RALGAPB: variants seen among roughly 807,000 people sequenced by gnomAD.
The protein encoded by RALGAPB is Ral GTPase activating protein non-catalytic subunit beta, also known as ral GTPase-activating protein subunit beta.
A neutral mutation model predicts 161.1 loss-of-function variants in RALGAPB; 25 were observed. The observed-to-expected ratio is 0.16, with a 90% CI of 0.11 to 0.22. The LOEUF is 0.22. Ranked by LOEUF, RALGAPB falls within the 10% of genes least tolerant of loss-of-function variation. RALGAPB has a pLI of 1.00. For missense variants in RALGAPB, 1,391 were observed against 1,815.2 expected (o/e 0.77, Z 4.25); for synonymous variants, 629 against 626.1 (o/e 1.00, Z -0.07).
At chr20:38,562,822 A>C in intron 24 of RALGAPB, 125 bp downstream of exon 24, 1 of 1,064,850 alleles carries the variant, frequency 9.4e-7, no homozygotes, top group Non-Finnish European at 1.3e-6. Flanking sequence ...ACAGTGGCGC[A>C]TGCCTGTCTT....
At chr20:38,509,313 C>G (rs2085863759) in intron 6 of RALGAPB, 105 bp downstream of exon 6, 4 of 1,238,344 alleles carry the variant, frequency 3.2e-6, no homozygotes, top group South Asian at 2.8e-5. Flanking sequence ...GACACTAAGC[C>G]CCATTCATCA....
chr20:38,533,301 C>A (rs972293593), intron 15 of RALGAPB, among the ~76,000 whole-genome samples: 2 of 152,094 alleles, frequency 1.3e-5, no homozygotes, highest in African/African-American at 4.8e-5. Flanking sequence ...CTGTGTACCC[C>A]CTACTGTAGC....
At chr20:38,497,889 C>T (rs148255371) in intron 4 of RALGAPB, among the ~76,000 whole-genome samples, 2,550 of 151,910 alleles carry the variant, frequency 0.017, 28 homozygotes, top group Non-Finnish European at 0.026. Context: ...GCCAACATGG[C>T]GAAACCCCAT....
Position 38,564,961 on chromosome 20 carries a change from G to GTC in RALGAPB, c.3698-380_3698-379dup, listed in dbSNP as rs148681791. On this transcript the variant is annotated intron_variant, in intron 24 of 29. Coordinates refer to ENST00000262879, the MANE Select transcript of RALGAPB (RefSeq NM_020336.4). ...TCTTCCCCCCTCTCTCTCTCTCTCT[G>GTC]TCTCTCTCTCTCTCTCTCTGCCTGC... 3.0e-3 allele frequency among the ~76,000 whole-genome samples: 387 copies of GTC among 131,072 alleles called. 3 individuals carry two copies. The highest frequency in any genetic ancestry group is 3.7e-3 in the Non-Finnish European group (232 of 62,320). 86.0% of individuals were successfully genotyped at this position (131,072 alleles called of 152,430 possible).
intron 3 of RALGAPB, among the ~76,000 whole-genome samples, chr20:38,495,750 T>A (rs936334555): frequency 2.6e-5 from 4 of 152,242 alleles, no homozygotes; most frequent in African/African-American, 4.8e-5. Context: ...TGTTTTTTTT[T>A]AATGTAAAGG....
At chr20:38,573,368 C>CTT (rs1312106105) in intron 28 of RALGAPB, among the ~76,000 whole-genome samples, 2 of 151,476 alleles carry the variant, frequency 1.3e-5, no homozygotes, top group African/African-American at 2.4e-5. Flanking sequence ...TGGCCAAAAT[C>CTT]ACCTTACCTA....
intron 16 of RALGAPB, among the ~76,000 whole-genome samples, chr20:38,539,234 GGA>G (rs1467970124): frequency 6.6e-6 from 1 of 152,174 alleles, no homozygotes. Flanking sequence ...AGTTGCTTAG[GGA>G]GAGGGGCAAA....
chr20:38,533,034 A>G (rs528896394), intron 15 of RALGAPB, among the ~76,000 whole-genome samples, 175 bp downstream of exon 15: 44 of 152,266 alleles, frequency 2.9e-4, no homozygotes, highest in Admixed American at 7.8e-4. Context: ...ATTTAGCTGT[A>G]TAGCTTTTGG....
intron 24 of RALGAPB, 103 bp from the exon 25 acceptor site, chr20:38,565,251 ATATTC>A: frequency 7.8e-7 from 1 of 1,287,190 alleles, no homozygotes; most frequent in Non-Finnish European, 1.1e-6. Flanking sequence ...TTGAAAACAT[ATATTC>A]TATTTATCAC....
chr20:38,490,682 T>A (rs887901575), intron 2 of RALGAPB, among the ~76,000 whole-genome samples: 1 of 148,840 alleles, frequency 6.7e-6, no homozygotes, highest in Middle Eastern at 3.4e-3. Flanking sequence ...AATTTTGTAT[T>A]TTTTTTAGTA....
chr20:38,570,091 GC>G, intron 27 of RALGAPB, 95 bp downstream of exon 27: 2 of 982,926 alleles, frequency 2.0e-6, no homozygotes, highest in Non-Finnish European at 3.1e-6. Context: ...GCCTGGTGTG[GC>G]CAGGAGCTAG....
intron 20 of RALGAPB, among the ~76,000 whole-genome samples, chr20:38,549,551 T>C (rs770212824): frequency 7.8e-6 from 1 of 128,362 alleles, no homozygotes; most frequent in Non-Finnish European, 1.7e-5. Flanking sequence ...AAAAAAAAAA[T>C]ATATATATAT....
intron 3 of RALGAPB, among the ~76,000 whole-genome samples, chr20:38,494,438 C>T (rs1443276222): frequency 6.6e-6 from 1 of 152,200 alleles, no homozygotes; most frequent in East Asian, 1.9e-4. Context: ...CCAGACCAGC[C>T]TGGCCAACAT....
chr20:38,479,454 T>C lies in RALGAPB; in HGVS notation c.-31+6385T>C, dbSNP rs887996349. On this transcript the variant is annotated intron_variant, in intron 1 of 29. Coordinates refer to ENST00000262879, the MANE Select transcript of RALGAPB (RefSeq NM_020336.4). ...TATGGTCTTAGAGTGTCCACCATTGTATTGATTATTTTGGTAATTTGTCAT... is the reference window on the plus strand; with the variant it reads ...TATGGTCTTAGAGTGTCCACCATTGCATTGATTATTTTGGTAATTTGTCAT... Among the ~76,000 whole-genome samples the C allele has an allele frequency of 5.3e-5, 8 of 152,242 alleles. 1 individual carries two copies. Among genetic ancestry groups the C allele is most frequent in the African/African-American group, 1.9e-4 (8 of 41,460 alleles).
At chr20:38,550,296 A>G (rs1399541223) in intron 20 of RALGAPB, among the ~76,000 whole-genome samples, 1 of 152,258 alleles carries the variant, frequency 6.6e-6, no homozygotes, top group Non-Finnish European at 1.5e-5. Flanking sequence ...AAGTATCATA[A>G]TAAAAAAATG....
Position 38,488,558 on chromosome 20 carries a change from G to A in RALGAPB, c.126G>A (p.Gly42=), listed in dbSNP as rs769371474. 2 of 1,614,188 alleles carry A rather than the reference G, an allele frequency of 1.2e-6. No individual in the cohort carries two copies. Among genetic ancestry groups the A allele is most frequent in the Admixed American group, 1.7e-5 (1 of 60,024 alleles). Reference sequence around the variant, plus strand: ...CAAATGCTGTAGTCCGTCCTCTTGGGCAGGTGTTAGGTACCCCTTCAGTGG... The same window carrying A: ...CAAATGCTGTAGTCCGTCCTCTTGGACAGGTGTTAGGTACCCCTTCAGTGG... The part of the protein sequence containing the change: ...EVANAVVRPL[G]QVLGTPSVAG... Residue 42 remains glycine, a synonymous_variant, in exon 2 of 30, where the codon GGG becomes GGA. Transcript: ENST00000262879.
intron 2 of RALGAPB, among the ~76,000 whole-genome samples, chr20:38,492,577 G>GA (rs1203596142): frequency 6.6e-6 from 1 of 152,042 alleles, no homozygotes; most frequent in Non-Finnish European, 1.5e-5. Context: ...ATTAAGTGGA[G>GA]AAAAAACTCT....
chr20:38,574,541 C>T (rs893895781), intron 29 of RALGAPB, among the ~76,000 whole-genome samples: 7 of 152,114 alleles, frequency 4.6e-5, no homozygotes, highest in Non-Finnish European at 1.0e-4. Flanking sequence ...TGTTTGTAAT[C>T]CAGGACAGAA....
chr20:38,566,899 G>A (rs549088844), intron 25 of RALGAPB, among the ~76,000 whole-genome samples, 197 bp from the exon 26 acceptor site: 19 of 152,322 alleles, frequency 1.2e-4, no homozygotes, highest in Admixed American at 3.3e-4. Context: ...AAGAATATGC[G>A]AGAGATCTGT....
Sources: allele counts gnomAD v4.1 joint callset (sites outside exome capture counted in the v4.1 genomes callset), GRCh38; gene constraint gnomAD v4.1.1; transcripts MANE v1.5; gene names NCBI Gene and HGNC (gene_info 2026-07-23, HGNC 2026-07-21).